The following VPS13B variants were observed in gnomAD, a reference collection of about 807,000 sequenced individuals.
VPS13B encodes the protein vacuolar protein sorting 13 homolog B.
A neutral mutation model predicts 426.4 loss-of-function variants in VPS13B; 285 were observed. That is an observed-to-expected ratio of 0.67 (90% CI 0.61 to 0.74). VPS13B has a LOEUF of 0.74. VPS13B is among the 30% of genes least tolerant of loss of function. VPS13B has a pLI of 0.00. For synonymous variants in VPS13B, 1,676 were observed against 1,676.4 expected (o/e 1.00, Z 0.01); for missense variants, 4,537 against 4,782.6 (o/e 0.95, Z 1.51).
intron 16 of VPS13B, among the ~76,000 whole-genome samples, chr8:99,182,292 G>A (rs1472331099): frequency 1.3e-5 from 2 of 152,126 alleles, no homozygotes; most frequent in African/African-American, 2.4e-5. Flanking sequence ...AAATTAATCT[G>A]TAGTGGAAAA....
In VPS13B at chr8:99,275,085, T is replaced by C. The variant is rs769466569; in HGVS notation, c.2655T>C (p.Asp885=). 8.1e-6 allele frequency: 13 copies of C among 1,601,704 alleles called. No individual in the cohort carries two copies. In the East Asian group the frequency reaches 1.1e-4, roughly 14 times the overall value. The stretch of plus-strand genomic sequence containing the variant: ...TTTATAAATATTTCTTTTCAGTTGA[T>C]AGTGGAAAAGAGAAGTTGATTCCCT... ...SIKICAKAPV[D]SGKEKLIPLL... is the part of the protein sequence containing the mutation. Residue 885 remains aspartate (D), a synonymous_variant, in exon 19 of 62, where the codon GAT becomes GAC. Transcript: ENST00000357162.
chr8:99,121,043 T>G, intron 7 of VPS13B, 134 bp from the exon 8 acceptor site: 3 of 737,330 alleles, frequency 4.1e-6, no homozygotes, highest in Non-Finnish European at 6.5e-6. Flanking sequence ...TTTCAAATAG[T>G]AATAATCACT....
At chr8:99,177,387 T>G (rs985393073) in intron 16 of VPS13B, among the ~76,000 whole-genome samples, 9 of 152,234 alleles carry the variant, frequency 5.9e-5, no homozygotes, top group Non-Finnish European at 1.5e-5. Flanking sequence ...ATAAATAACT[T>G]GTCAAAAAAT....
intron 19 of VPS13B, among the ~76,000 whole-genome samples, chr8:99,298,313 A>G (rs183116141): frequency 8.6e-4 from 130 of 151,900 alleles, no homozygotes; most frequent in African/African-American, 2.9e-3. Context: ...ATATGGAGAA[A>G]CCCCGTCTCT....
intron 19 of VPS13B, among the ~76,000 whole-genome samples, chr8:99,345,250 C>T (rs984850829): frequency 1.3e-5 from 2 of 151,990 alleles, no homozygotes; most frequent in Non-Finnish European, 2.9e-5. Context: ...ATTTTTATAC[C>T]GATGTCTTAA....
At position 99,575,774 on chromosome 8, in the gene VPS13B, T is replaced by G; in HGVS notation, c.5066T>G (p.Leu1689Trp). The change falls in exon 32 of 62, where the codon TTG becomes TGG. Residue 1689 changes from leucine (L) to tryptophan (W), a missense_variant. This residue lies in a region of VPS13B where 4,311 missense variants were observed against 4,474.3 expected (regional missense o/e 0.96). Coordinates refer to ENST00000357162, the MANE Select transcript of VPS13B (RefSeq NM_152564.5). ...IFTKVVSPEN[L>W]HTEEILVCGH... ...ACCAAAGTAGTTTCTCCAGAAAATT[T>G]GCATACTGAGGTTAGAACATAATTT... 6.2e-7 allele frequency: 1 copy of G among 1,613,650 alleles called. No individual in the cohort carries two copies. The highest frequency in any genetic ancestry group is 1.7e-5 in the Admixed American group (1 of 59,898).
intron 30 of VPS13B, among the ~76,000 whole-genome samples, chr8:99,538,682 A>G (rs1823391646): frequency 1.3e-5 from 2 of 152,212 alleles, no homozygotes; most frequent in Admixed American, 6.5e-5. Flanking sequence ...CTAAATGCCT[A>G]AAAGGATCTT....
intron 17 of VPS13B, among the ~76,000 whole-genome samples, chr8:99,265,300 T>G (rs747861882): frequency 6.6e-6 from 1 of 152,146 alleles, no homozygotes; most frequent in Non-Finnish European, 1.5e-5. Context: ...ACTTGTTGAT[T>G]GTAGGGGAAT....
rs1167569883 is a variant in VPS13B, at chr8:99,720,792, C to T, written c.6866-71C>T. The T allele has an allele frequency of 7.8e-6, 11 of 1,407,620 alleles. No homozygotes were observed. In the Admixed American group the frequency reaches 1.8e-4, roughly 23 times the overall value. The allele number at this position is 1,407,620 out of a possible 1,614,324, so 87.2% of individuals were successfully genotyped here. ...ATATCTTTTATTCTCATAATTTCTT[C>T]TTCCTTTACTTTTTCCCCTTTGTCA... On this transcript the variant is annotated intron_variant, in intron 38 of 61. Transcript: ENST00000357162.
At chr8:99,767,037 C>T (rs1206121757) in intron 40 of VPS13B, 67 bp downstream of exon 40, 1 of 1,474,000 alleles carries the variant, frequency 6.8e-7, no homozygotes, top group Admixed American at 1.7e-5. Context: ...CTTTTCCTAT[C>T]TAGTGACCCC....
intron 17 of VPS13B, among the ~76,000 whole-genome samples, chr8:99,209,959 A>G (rs1176772162): frequency 1.3e-5 from 2 of 152,160 alleles, no homozygotes; most frequent in Admixed American, 1.3e-4. Context: ...TAAAAATAAT[A>G]CCCATATGTG....
chr8:99,696,551 G>A, intron 35 of VPS13B: 2 of 499,978 alleles, frequency 4.0e-6, no homozygotes, highest in South Asian at 3.8e-5. Context: ...TGACCATGAA[G>A]CTCTTCCCCA....
chr8:99,279,827 T>G (rs536338047), intron 19 of VPS13B, among the ~76,000 whole-genome samples: 29 of 152,022 alleles, frequency 1.9e-4, no homozygotes, highest in Non-Finnish European at 2.8e-4. Flanking sequence ...TGGAGTGCAG[T>G]GGCGCGATCT....
chr8:99,013,681 C>T, intron 1 of VPS13B, 79 bp from the exon 2 acceptor site: 10 of 1,398,950 alleles, frequency 7.1e-6, no homozygotes, highest in South Asian at 1.2e-5. Flanking sequence ...TGGGGACTTA[C>T]TGCTTTCGGC....
At chr8:99,056,028 A>G (rs968560591) in intron 3 of VPS13B, among the ~76,000 whole-genome samples, 1 of 150,552 alleles carries the variant, frequency 6.6e-6, no homozygotes, top group African/African-American at 2.4e-5. Context: ...GGTATGAGCC[A>G]CCATGCTTAG....
chr8:99,854,489 C>T (rs959290870), intron 56 of VPS13B, among the ~76,000 whole-genome samples: 2 of 152,198 alleles, frequency 1.3e-5, no homozygotes, highest in Non-Finnish European at 1.5e-5. Flanking sequence ...GATAAAATGG[C>T]TTTGAAGATT....
intron 31 of VPS13B, 111 bp downstream of exon 31, chr8:99,556,764 T>C (rs144706061): frequency 1.5e-5 from 18 of 1,163,194 alleles, no homozygotes; most frequent in African/African-American, 9.1e-5. Context: ...GTATTGCTTC[T>C]GCTTTTCATT....
chr8:99,073,475 A>T (rs1199099768), intron 3 of VPS13B, among the ~76,000 whole-genome samples: 1 of 151,732 alleles, frequency 6.6e-6, no homozygotes. Context: ...TAGATATTTA[A>T]TTTTTTTGTA....
intron 30 of VPS13B, among the ~76,000 whole-genome samples, chr8:99,539,300 A>G (rs1046925763): frequency 6.6e-6 from 1 of 152,222 alleles, no homozygotes; most frequent in Non-Finnish European, 1.5e-5. Flanking sequence ...TAGATATACA[A>G]CATGTATAAT....
Sources: allele counts gnomAD v4.1 joint callset (sites outside exome capture counted in the v4.1 genomes callset), GRCh38; gene constraint gnomAD v4.1.1; regional missense constraint gnomAD v4.1.1; transcripts MANE v1.5; gene names NCBI Gene and HGNC (gene_info 2026-07-23, HGNC 2026-07-21).